The following GNAO1 variants were observed in gnomAD, a reference collection of about 807,000 sequenced individuals.
GNAO1 encodes the protein G protein subunit alpha o1.
For missense variants in GNAO1, 166 were observed against 478.7 expected (o/e 0.35, Z 6.10); for synonymous variants, 164 against 180.7 (o/e 0.91, Z 0.74).
At chr16:56,328,869 A>T in intron 4 of GNAO1, 78 bp downstream of exon 4, 1 of 1,446,818 alleles carries the variant, frequency 6.9e-7, no homozygotes, top group Non-Finnish European at 9.6e-7. Context: ...GGGGATTGGC[A>T]GAGCAAGGAG....
chr16:56,319,779 G>T (rs1453904616), intron 3 of GNAO1, among the ~76,000 whole-genome samples: 2 of 152,050 alleles, frequency 1.3e-5, no homozygotes, highest in South Asian at 2.1e-4. Flanking sequence ...CTTCTGGGGG[G>T]TACCTGTACC....
intron 3 of GNAO1, among the ~76,000 whole-genome samples, chr16:56,298,056 C>A (rs1233093664): frequency 3.3e-5 from 5 of 152,054 alleles, no homozygotes; most frequent in African/African-American, 1.2e-4. Context: ...CCTGTGGTCC[C>A]AGCTACTGGG....
chr16:56,265,182 C>T (rs1451833370), intron 2 of GNAO1, among the ~76,000 whole-genome samples: 2 of 152,216 alleles, frequency 1.3e-5, no homozygotes, highest in African/African-American at 2.4e-5. Context: ...AAATGTCCAC[C>T]GTGAGGGGTT....
Position 56,191,952 on chromosome 16 carries a change from G to A in GNAO1, c.-284G>A. ...TGCAGTCCGCGCCTCCTCGGCCCGCGGGCGCCTCCTCCCTTGGCTCCGGAG... is the reference window on the plus strand; with the variant it reads ...TGCAGTCCGCGCCTCCTCGGCCCGCAGGCGCCTCCTCCCTTGGCTCCGGAG... On this transcript the variant is annotated 5_prime_UTR_variant, in exon 1 of 9. Transcript: ENST00000262493. The surrounding 1 kb of genome is among the most constrained non-coding windows in gnomAD (Gnocchi z 4.7). The A allele has an allele frequency of 2.1e-6, 1 of 482,002 alleles. No homozygotes were observed. Among genetic ancestry groups the A allele is most frequent in the East Asian group, 3.5e-5 (1 of 28,298 alleles). 29.9% of individuals were successfully genotyped at this position (482,002 alleles called of 1,614,324 possible).
intron 6 of GNAO1, among the ~76,000 whole-genome samples, chr16:56,338,823 C>T (rs1329705053): frequency 6.6e-6 from 1 of 152,190 alleles, no homozygotes; most frequent in Non-Finnish European, 1.5e-5. Flanking sequence ...GGTGCTGGGC[C>T]TGGCACTGGG....
intron 2 of GNAO1, among the ~76,000 whole-genome samples, chr16:56,205,355 A>C (rs548349115): frequency 8.8e-4 from 134 of 152,352 alleles, no homozygotes; most frequent in African/African-American, 3.1e-3. Context: ...AGCTCCAGCC[A>C]GGGCAGACAA....
At chr16:56,256,189 A>G (rs541703539) in intron 2 of GNAO1, among the ~76,000 whole-genome samples, 4 of 152,286 alleles carry the variant, frequency 2.6e-5, no homozygotes, top group African/African-American at 9.6e-5. Flanking sequence ...CCTTGGAGCC[A>G]GTGGTATTGA....
intron 2 of GNAO1, among the ~76,000 whole-genome samples, chr16:56,251,955 C>G (rs769189995): frequency 7.2e-5 from 11 of 152,156 alleles, no homozygotes; most frequent in Non-Finnish European, 1.3e-4. Context: ...CCAGAGGCCT[C>G]CAGCCAGAGG....
chr16:56,283,802 C>T (rs2037137375), intron 3 of GNAO1, among the ~76,000 whole-genome samples: 1 of 152,156 alleles, frequency 6.6e-6, no homozygotes. Context: ...TGAGGCTCTC[C>T]ACCTACAACA....
At chr16:56,306,786 G>A (rs2037401321) in intron 3 of GNAO1, 1 of 152,208 alleles carries the variant, frequency 6.6e-6, no homozygotes, top group Middle Eastern at 3.2e-3. Context: ...TTTTGGTTCT[G>A]AGCAAAGATT....
Position 56,328,654 on chromosome 16 carries a change from T to G in GNAO1, c.327T>G (p.Asp109Glu). 6.2e-7 allele frequency: 1 copy of G among 1,614,142 alleles called. No individual in the cohort carries two copies. The highest frequency in any genetic ancestry group is 8.5e-7 in the Non-Finnish European group (1 of 1,179,984). The change falls in exon 4 of 9, where the codon GAT becomes GAG. Residue 109 changes from aspartate (D) to glutamate (E), a missense_variant. Coordinates refer to ENST00000262493, the MANE Select transcript of GNAO1 (RefSeq NM_020988.3). ...ERKADAKMVC[D>E]VVSRMEDTEP... Reference sequence around the variant, plus strand: ...AGGCTGACGCCAAGATGGTGTGTGATGTGGTGAGTCGGATGGAAGACACCG... The same window carrying G: ...AGGCTGACGCCAAGATGGTGTGTGAGGTGGTGAGTCGGATGGAAGACACCG...
At chr16:56,325,094 C>G (rs2037618162) in intron 3 of GNAO1, among the ~76,000 whole-genome samples, 1 of 152,232 alleles carries the variant, frequency 6.6e-6, no homozygotes. Context: ...GAGCCACGTG[C>G]CATGGGCTGG....
intron 2 of GNAO1, among the ~76,000 whole-genome samples, chr16:56,239,344 A>G (rs2036672040): frequency 6.6e-6 from 1 of 151,314 alleles, no homozygotes; most frequent in Admixed American, 6.6e-5. Context: ...CTCAAAAGAG[A>G]AAAAAGACTT....
rs2037925947 is a variant in GNAO1, at chr16:56,351,955, G to C, written c.877+418G>C. The C allele has an allele frequency of 5.7e-6, 1 of 174,028 alleles. No individual in the cohort carries two copies. Among genetic ancestry groups the C allele is most frequent in the Non-Finnish European group, 1.2e-5 (1 of 82,028 alleles). 10.8% of individuals were successfully genotyped at this position (174,028 alleles called of 1,614,324 possible). A position where few individuals can be genotyped will look rare whatever the true frequency, so the allele number is the denominator to read the frequency against. On this transcript the variant is annotated intron_variant, in intron 7 of 8. Coordinates refer to ENST00000262493, the MANE Select transcript of GNAO1 (RefSeq NM_020988.3). The surrounding 1 kb of genome is among the most constrained non-coding windows in gnomAD (Gnocchi z 6.1). ...AAACCGAAAAGTGGACACGTGGCCTGTGAACAGGGCCTGGACTGCCTCTTG... is the reference window on the plus strand; with the variant it reads ...AAACCGAAAAGTGGACACGTGGCCTCTGAACAGGGCCTGGACTGCCTCTTG...
chr16:56,327,248 G>A (rs571678009), intron 3 of GNAO1, among the ~76,000 whole-genome samples: 4 of 152,112 alleles, frequency 2.6e-5, no homozygotes, highest in African/African-American at 4.8e-5. Context: ...TATTCATGGC[G>A]ATGGCAGGGC....
chr16:56,241,386 G>A (rs1406007491), intron 2 of GNAO1, among the ~76,000 whole-genome samples: 1 of 152,160 alleles, frequency 6.6e-6, no homozygotes, highest in African/African-American at 2.4e-5. Flanking sequence ...ACTGAGGAGG[G>A]GAAGTGAGCC....
At chr16:56,335,639 C>T (rs1368697441) in intron 5 of GNAO1, among the ~76,000 whole-genome samples, 1 of 152,212 alleles carries the variant, frequency 6.6e-6, no homozygotes, top group Non-Finnish European at 1.5e-5. Flanking sequence ...CCCTAGGCCT[C>T]CGCAGATCTG....
At position 56,326,512 on chromosome 16, in the gene GNAO1, G is replaced by T. The variant is rs1596866330; in HGVS notation, c.304-2119G>T. ...TTTATTTGGGAGGTCATTTCAGGAA[G>T]CACCGAGGAAGTGGGGAAGCCACAC... is the stretch of plus-strand genomic sequence containing the variant. On this transcript the variant is annotated intron_variant, in intron 3 of 8. Transcript: ENST00000262493. This position sits in a 1 kb window ranked among gnomAD's most constrained non-coding sequence, Gnocchi z 4.8. Among the ~76,000 whole-genome samples, 1 of 152,248 alleles carries T rather than the reference G, an allele frequency of 6.6e-6. No homozygotes were observed. Among genetic ancestry groups the T allele is most frequent in the Admixed American group, 6.5e-5 (1 of 15,290 alleles).
intron 2 of GNAO1, among the ~76,000 whole-genome samples, chr16:56,214,518 A>G (rs563660386): frequency 4.0e-4 from 61 of 152,342 alleles, no homozygotes; most frequent in Non-Finnish European, 6.9e-4. Flanking sequence ...TCAAAACCAT[A>G]GTTTTACAGA....
Sources: gnomAD v4.1 joint callset for allele counts (sites outside exome capture counted in the v4.1 genomes callset) on GRCh38, gnomAD v4.1.1 for gene constraint, Gnocchi (gnomAD v3.1) non-coding constraint, MANE v1.5 for transcripts, NCBI Gene and HGNC (gene_info 2026-07-23, HGNC 2026-07-21) for gene names.